Variants in ST6GALNAC3 observed in about 807,000 individuals in gnomAD.
The protein encoded by ST6GALNAC3 is alpha-N-acetylgalactosaminide alpha-2,6-sialyltransferase 3.
Under a neutral mutation model 32.7 loss-of-function variants are expected in ST6GALNAC3, and 25 were observed. That is an observed-to-expected ratio of 0.76 (90% CI 0.56 to 1.07). The LOEUF is 1.07. ST6GALNAC3 is among the 50% of genes least tolerant of loss of function. The probability of loss-of-function intolerance (pLI) is 0.00; values close to 1 mark genes in which losing one functional copy is unlikely to be tolerated. For synonymous variants in ST6GALNAC3, 129 were observed against 133.1 expected (o/e 0.97, Z 0.21); for missense variants, 355 against 382.4 (o/e 0.93, Z 0.60).
At chr1:76,264,032 A>G (rs1658394145) in intron 1 of ST6GALNAC3, among the ~76,000 whole-genome samples, 3 of 152,328 alleles carry the variant, frequency 2.0e-5, no homozygotes, top group South Asian at 2.1e-4. Flanking sequence ...TGTTGGTTGG[A>G]TAAGACATTC....
At position 76,355,441 on chromosome 1, in the gene ST6GALNAC3, G is replaced by A. The variant is rs1288732278; in HGVS notation, c.213+41442G>A. ...TGTGACTTCCCTTTGTGATAAAGAGGATAAATCTGCTGGCTCATTTCCTTT... is the reference window on the plus strand; with the variant it reads ...TGTGACTTCCCTTTGTGATAAAGAGAATAAATCTGCTGGCTCATTTCCTTT... On this transcript the variant is annotated intron_variant, in intron 2 of 4. Coordinates refer to ENST00000328299, the MANE Select transcript of ST6GALNAC3 (RefSeq NM_152996.4). Among the ~76,000 whole-genome samples the A allele has an allele frequency of 3.3e-5, 5 of 152,050 alleles. No individual in the cohort carries two copies. In the East Asian group the frequency reaches 7.7e-4, roughly 23 times the overall value.
At chr1:76,400,648 A>T (rs544100337) in intron 2 of ST6GALNAC3, among the ~76,000 whole-genome samples, 3 of 152,056 alleles carry the variant, frequency 2.0e-5, no homozygotes, top group Non-Finnish European at 4.4e-5. Flanking sequence ...GCACTTTGGG[A>T]GGCTGAGGCA....
chr1:76,307,713 G>A (rs1661144542), intron 1 of ST6GALNAC3, among the ~76,000 whole-genome samples: 1 of 152,054 alleles, frequency 6.6e-6, no homozygotes, highest in Non-Finnish European at 1.5e-5. Flanking sequence ...AAAAACATCT[G>A]ACAATAGACT....
intron 3 of ST6GALNAC3, among the ~76,000 whole-genome samples, chr1:76,455,366 C>A (rs1257552164): frequency 6.6e-6 from 1 of 152,068 alleles, no homozygotes; most frequent in African/African-American, 2.4e-5. Flanking sequence ...AAAATAAAGA[C>A]AGATTTTGAA....
At chr1:76,232,180 G>T (rs150197438) in intron 1 of ST6GALNAC3, among the ~76,000 whole-genome samples, 81 of 152,300 alleles carry the variant, frequency 5.3e-4, no homozygotes, top group Middle Eastern at 6.8e-3. Flanking sequence ...GTTGACGCTG[G>T]ACAGAAAGAA....
In ST6GALNAC3 at chr1:76,576,930, A is replaced by AAAAG. The variant is rs200052588; in HGVS notation, c.624-50506_624-50503dup. On this transcript the variant is annotated intron_variant, in intron 3 of 4. Transcript: ENST00000328299. ...CCCACCACAAAAGGAAGGAAGGAAT[A>AAAAG]AAAGAAAGAAAGAAAGAAACAAACA... 3.0e-4 allele frequency: 385 copies of AAAAG among 1,281,972 alleles called. 1 individual carries two copies. Among genetic ancestry groups the AAAAG allele is most frequent in the Non-Finnish European group, 3.4e-4 (334 of 976,122 alleles). 79.4% of individuals were successfully genotyped at this position (1,281,972 alleles called of 1,614,324 possible).
chr1:76,142,528 C>T (rs1009883140), intron 1 of ST6GALNAC3, among the ~76,000 whole-genome samples: 2 of 152,162 alleles, frequency 1.3e-5, no homozygotes, highest in African/African-American at 4.8e-5. Flanking sequence ...TTATGCAGGA[C>T]ACTCTCAGGG....
chr1:76,231,513 C>A (rs748986958), intron 1 of ST6GALNAC3, among the ~76,000 whole-genome samples: 2 of 152,200 alleles, frequency 1.3e-5, no homozygotes, highest in African/African-American at 2.4e-5. Context: ...TCCTGCCATT[C>A]CCTCACAATT....
chr1:76,123,516 T>C (rs1430429685), intron 1 of ST6GALNAC3, among the ~76,000 whole-genome samples: 1 of 151,350 alleles, frequency 6.6e-6, no homozygotes, highest in African/African-American at 2.4e-5. Flanking sequence ...CCACTCTAAG[T>C]GAGTGTGTGA....
At chr1:76,080,130 T>C (rs1646872525) in intron 1 of ST6GALNAC3, among the ~76,000 whole-genome samples, 1 of 152,190 alleles carries the variant, frequency 6.6e-6, no homozygotes, top group Non-Finnish European at 1.5e-5. Flanking sequence ...GTTTGAAAAT[T>C]ACACCTCATG....
At chr1:76,183,338 T>TTGTTGATTTGTATA (rs1479558498) in intron 1 of ST6GALNAC3, among the ~76,000 whole-genome samples, 1 of 152,194 alleles carries the variant, frequency 6.6e-6, no homozygotes, top group Non-Finnish European at 1.5e-5. Flanking sequence ...AGCCTCAATG[T>TTGTTGATTTGTATA]CTTCTTTTTT....
intron 1 of ST6GALNAC3, among the ~76,000 whole-genome samples, chr1:76,198,713 T>C (rs1654351932): frequency 1.3e-5 from 2 of 152,182 alleles, no homozygotes; most frequent in South Asian, 4.1e-4. Flanking sequence ...AGGAGGGACA[T>C]ACTTACTTGG....
intron 1 of ST6GALNAC3, among the ~76,000 whole-genome samples, chr1:76,175,901 C>T (rs976863514): frequency 5.9e-5 from 9 of 152,122 alleles, no homozygotes; most frequent in South Asian, 2.1e-4. Flanking sequence ...TTCTGAGTTA[C>T]GAACTTTGGG....
chr1:76,422,888 A>G (rs1356881888), intron 3 of ST6GALNAC3, among the ~76,000 whole-genome samples: 4 of 152,040 alleles, frequency 2.6e-5, no homozygotes, highest in South Asian at 4.1e-4. Context: ...TGAAAGTCCT[A>G]CTGCAACTCT....
chr1:76,239,182 A>G (rs1570544068), intron 1 of ST6GALNAC3, among the ~76,000 whole-genome samples: 1 of 152,142 alleles, frequency 6.6e-6, no homozygotes, highest in Admixed American at 6.6e-5. Flanking sequence ...CAGCCTTATT[A>G]TCATCCTGGT....
At chr1:76,380,382 C>T (rs909818299) in intron 2 of ST6GALNAC3, among the ~76,000 whole-genome samples, 1 of 152,224 alleles carries the variant, frequency 6.6e-6, no homozygotes, top group East Asian at 1.9e-4. Flanking sequence ...ATTAGTGCAA[C>T]CCCTGTGGTA....
At chr1:76,137,619 G>A (rs1650034579) in intron 1 of ST6GALNAC3, among the ~76,000 whole-genome samples, 1 of 152,176 alleles carries the variant, frequency 6.6e-6, no homozygotes, top group Admixed American at 6.5e-5. Flanking sequence ...TTGTCTTTAT[G>A]TGTATTCTTC....
intron 3 of ST6GALNAC3, among the ~76,000 whole-genome samples, chr1:76,490,524 C>T (rs947316476): frequency 3.3e-5 from 5 of 149,990 alleles, no homozygotes; most frequent in Non-Finnish European, 7.4e-5. Flanking sequence ...GTGTGTGTTT[C>T]TATGTATCTC....
chr1:76,376,455 A>G (rs893647049), intron 2 of ST6GALNAC3, among the ~76,000 whole-genome samples: 3 of 152,132 alleles, frequency 2.0e-5, no homozygotes, highest in Non-Finnish European at 4.4e-5. Context: ...GGCCACAGAC[A>G]GCTCCCTCCT....
Sources: gnomAD v4.1 joint callset for allele counts (sites outside exome capture counted in the v4.1 genomes callset) on GRCh38, gnomAD v4.1.1 for gene constraint, MANE v1.5 for transcripts, NCBI Gene and HGNC (gene_info 2026-07-23, HGNC 2026-07-21) for gene names.